SMARCA4: variants seen among roughly 807,000 people sequenced by gnomAD.
SMARCA4 encodes SWI/SNF-related matrix-associated actin-dependent regulator of chromatin subfamily A member 4.
In SMARCA4, 31 loss-of-function variants were observed where a neutral mutation model predicts 193.9. The observed-to-expected ratio is 0.16, with a 90% CI of 0.12 to 0.22. SMARCA4 has a LOEUF of 0.22. SMARCA4 is among the 10% of genes least tolerant of loss of function. The pLI, the probability that SMARCA4 is intolerant of heterozygous loss-of-function variation, is 1.00. For synonymous variants in SMARCA4, 942 were observed against 933.1 expected (o/e 1.01, Z -0.17); for missense variants, 1,148 against 2,296.0 (o/e 0.50, Z 10.22).
intron 15 of SMARCA4, 50 bp from the exon 16 acceptor site, chr19:11,012,898 TG>T: frequency 6.3e-7 from 1 of 1,590,780 alleles, no homozygotes; most frequent in Non-Finnish European, 8.6e-7. Flanking sequence ...GAGGACCCTC[TG>T]GTGTCCGACC....
intron 1 of SMARCA4, among the ~76,000 whole-genome samples, chr19:10,975,567 G>T (rs1349765032): frequency 1.3e-5 from 2 of 151,450 alleles, no homozygotes; most frequent in African/African-American, 2.4e-5. Context: ...CCTTGGCCTC[G>T]CAAAGTGCTG....
At chr19:10,990,452 A>G (rs1229065405) in intron 7 of SMARCA4, among the ~76,000 whole-genome samples, 17 of 151,858 alleles carry the variant, frequency 1.1e-4, no homozygotes, top group Admixed American at 1.1e-3. Flanking sequence ...TAATTTTTGT[A>G]TTTTTAGTAG....
In SMARCA4 at chr19:11,021,878, C is replaced by T; in HGVS notation, c.2770C>T (p.Leu924=). 6.2e-7 allele frequency: 1 copy of T among 1,613,852 alleles called. No homozygotes were observed. The highest frequency in any genetic ancestry group is 8.5e-7 in the Non-Finnish European group (1 of 1,180,042). ...LQNKLPELWA[L]LNFLLPTIFK... ...GAACAAGCTTCCCGAGCTCTGGGCGCTGCTCAACTTCCTGCTGCCCACCAT... is the reference window on the plus strand; with the variant it reads ...GAACAAGCTTCCCGAGCTCTGGGCGTTGCTCAACTTCCTGCTGCCCACCAT... Residue 924 remains leucine (L), a synonymous_variant, in exon 19 of 35, where the codon CTG becomes TTG. Coordinates refer to ENST00000344626, the MANE Select transcript of SMARCA4 (RefSeq NM_003072.5).
Position 11,003,016 on chromosome 19 carries a change from G to T in SMARCA4, c.1813-13G>T, listed in dbSNP as rs1255721020. The T allele has an allele frequency of 6.2e-7, 1 of 1,613,866 alleles. No individual in the cohort carries two copies. Among genetic ancestry groups the T allele is most frequent in the African/African-American group, 1.3e-5 (1 of 74,926 alleles). ...CCTGCAACCTCAGTGTCACACGAAT[G>T]ACTCTTTTTCAGCCTCTGGACGAGA... is the stretch of plus-strand genomic sequence containing the variant. On this transcript the variant is annotated splice_polypyrimidine_tract_variant and intron_variant, in intron 11 of 34. Transcript: ENST00000344626.
chr19:10,993,202 T>C (rs1225107922), intron 8 of SMARCA4, among the ~76,000 whole-genome samples: 1 of 151,690 alleles, frequency 6.6e-6, no homozygotes, highest in Non-Finnish European at 1.5e-5. Flanking sequence ...GCCAGGCTGG[T>C]CTTGAACTCC....
chr19:11,000,676 C>A (rs530735246), intron 11 of SMARCA4, among the ~76,000 whole-genome samples: 25 of 152,038 alleles, frequency 1.6e-4, no homozygotes, highest in Admixed American at 1.2e-3. Flanking sequence ...GTCAGGAGTT[C>A]GAGACCAGTC....
At chr19:11,029,219 G>C (rs1007981030) in intron 24 of SMARCA4, among the ~76,000 whole-genome samples, 2 of 152,140 alleles carry the variant, frequency 1.3e-5, no homozygotes, top group African/African-American at 4.8e-5. Context: ...CCTCTCCTAC[G>C]GTCTCTCCAG....
intron 1 of SMARCA4, among the ~76,000 whole-genome samples, chr19:10,972,403 C>CTTT (rs56098845): frequency 6.9e-6 from 1 of 145,624 alleles, no homozygotes; most frequent in Non-Finnish European, 1.5e-5. Flanking sequence ...GCCCTGAATA[C>CTTT]TTTTTTTTTT....
chr19:10,986,856 C>G lies in SMARCA4; in HGVS notation c.761-49C>G, dbSNP rs779079674. On this transcript the variant is annotated intron_variant, in intron 4 of 34. Coordinates refer to ENST00000344626, the MANE Select transcript of SMARCA4 (RefSeq NM_003072.5). This position sits in a 1 kb window ranked among gnomAD's most constrained non-coding sequence, Gnocchi z 6.7. ...GGCTGCCCACGGGGCTGGGCGCAGG[C>G]ATAAACCTGGGACGCACTGTTTTCT... is the stretch of plus-strand genomic sequence containing the variant. The G allele has an allele frequency of 6.0e-6, 9 of 1,496,226 alleles. No homozygotes were observed. Among genetic ancestry groups the G allele is most frequent in the Non-Finnish European group, 8.4e-6 (9 of 1,073,532 alleles). 92.7% of individuals were successfully genotyped at this position (1,496,226 alleles called of 1,614,324 possible).
chr19:10,970,806 C>T (rs764507047), intron 1 of SMARCA4, among the ~76,000 whole-genome samples: 18 of 152,222 alleles, frequency 1.2e-4, no homozygotes, highest in South Asian at 6.2e-4. Context: ...AAAAGACCCA[C>T]GCATCTGGTC....
intron 24 of SMARCA4, among the ~76,000 whole-genome samples, chr19:11,028,827 C>CA (rs1222711312): frequency 1.3e-5 from 2 of 150,438 alleles, no homozygotes; most frequent in Admixed American, 1.3e-4. Context: ...TTACGAGAAA[C>CA]ACGAGCATGA....
At position 10,967,500 on chromosome 19, in the gene SMARCA4, C is replaced by T. The variant is rs1387925244; in HGVS notation, c.-32+6326C>T. 7.4e-5 allele frequency among the ~76,000 whole-genome samples: 11 copies of T among 147,778 alleles called. No individual in the cohort carries two copies. The East Asian group carries it at 1.0e-3, about 14-fold the overall frequency. ...TAATTTTTTGTATTTTTAGTAGAGA[C>T]GGGGTTTCACCATGTTAGCCAGGAT... On this transcript the variant is annotated intron_variant, in intron 1 of 34. Transcript: ENST00000344626.
chr19:11,050,775 A>C (rs1332189576), intron 30 of SMARCA4, among the ~76,000 whole-genome samples: 4 of 152,186 alleles, frequency 2.6e-5, no homozygotes, highest in Admixed American at 2.6e-4. Context: ...ACACTCCTTC[A>C]AGCCCCCAGG....
intron 1 of SMARCA4, among the ~76,000 whole-genome samples, chr19:10,973,454 G>A (rs1189227111): frequency 6.6e-6 from 1 of 151,664 alleles, no homozygotes; most frequent in East Asian, 1.9e-4. Context: ...AGGCTAGAGT[G>A]CAGTGATGCA....
In SMARCA4 at chr19:11,041,677, C is replaced by T. The variant is rs2075624011; in HGVS notation, c.4424+117C>T. 3 of 835,456 alleles carry T rather than the reference C, an allele frequency of 3.6e-6. No individual in the cohort carries two copies. In the Admixed American group the frequency reaches 7.3e-5, roughly 20 times the overall value. 51.8% of individuals were successfully genotyped at this position (835,456 alleles called of 1,614,324 possible). A position where few individuals can be genotyped will look rare whatever the true frequency, so the allele number is the denominator to read the frequency against. On this transcript the variant is annotated intron_variant, in intron 30 of 34. Transcript: ENST00000344626. This position sits in a 1 kb window ranked among gnomAD's most constrained non-coding sequence, Gnocchi z 5.6. Reference sequence around the variant, plus strand: ...GGCCGCTCACTCTTTCACTCATCCACAAACACTGACTGAATCTCTGTGTCT... The same window carrying T: ...GGCCGCTCACTCTTTCACTCATCCATAAACACTGACTGAATCTCTGTGTCT...
chr19:11,002,003 G>GA (rs1314203685), intron 11 of SMARCA4, among the ~76,000 whole-genome samples: 1 of 152,080 alleles, frequency 6.6e-6, no homozygotes, highest in African/African-American at 2.4e-5. Flanking sequence ...ATAAGTGGGG[G>GA]AAAAAATCAA....
At chr19:11,024,635 C>T (rs2090119134) in intron 21 of SMARCA4, among the ~76,000 whole-genome samples, 197 bp downstream of exon 21, 1 of 152,174 alleles carries the variant, frequency 6.6e-6, no homozygotes. Context: ...TTCTCCTTTG[C>T]CTATGAAACA....
intron 30 of SMARCA4, among the ~76,000 whole-genome samples, chr19:11,042,171 G>A (rs973407185): frequency 6.6e-6 from 1 of 152,230 alleles, no homozygotes; most frequent in Admixed American, 6.5e-5. Context: ...TCCTATATAC[G>A]AGGCAGCATG....
At chr19:11,037,590 C>G (rs185148095) in intron 29 of SMARCA4, among the ~76,000 whole-genome samples, 6 of 152,326 alleles carry the variant, frequency 3.9e-5, no homozygotes, top group Non-Finnish European at 5.9e-5. Context: ...TCTGCACATT[C>G]TCTTTTCGCT....
Sources: gnomAD v4.1 joint callset for allele counts (sites outside exome capture counted in the v4.1 genomes callset) on GRCh38, gnomAD v4.1.1 for gene constraint, Gnocchi (gnomAD v3.1) non-coding constraint, MANE v1.5 for transcripts, NCBI Gene and HGNC (gene_info 2026-07-23, HGNC 2026-07-21) for gene names.